The following ATAD2B variants were observed in gnomAD, a reference collection of about 807,000 sequenced individuals.
The protein encoded by ATAD2B is ATPase family AAA domain-containing protein 2B.
In ATAD2B, 40 loss-of-function variants were observed where a neutral mutation model predicts 167.6. The observed-to-expected ratio is 0.24, with a 90% confidence interval of 0.19 to 0.31. The LOEUF (loss-of-function observed/expected upper bound fraction) is 0.31. Ranked by LOEUF, ATAD2B falls within the 10% of genes least tolerant of loss-of-function variation. ATAD2B has a pLI of 1.00. For missense variants in ATAD2B, 1,242 were observed against 1,757.2 expected, an observed-to-expected ratio of 0.71 and a Z score of 5.24; for synonymous variants, 579 against 596.5, an observed-to-expected ratio of 0.97 and a Z score of 0.43.
chr2:23,878,025 A>AAAAACAAAAAAAAAAAAAAAG lies in ATAD2B; in HGVS notation c.902-2122_902-2121insCTTTTTTTTTTTTTTTGTTTT, dbSNP rs1558714038. Among the ~76,000 whole-genome samples, 2 of 106,876 alleles carry AAAAACAAAAAAAAAAAAAAAG rather than the reference A, an allele frequency of 1.9e-5. 1 individual carries two copies. Among genetic ancestry groups the AAAAACAAAAAAAAAAAAAAAG allele is most frequent in the Non-Finnish European group, 4.2e-5 (2 of 47,204 alleles). 70.1% of individuals were successfully genotyped at this position (106,876 alleles called of 152,430 possible). A position where few individuals can be genotyped will look rare whatever the true frequency, so the allele number is the denominator to read the frequency against. On this transcript the variant is annotated intron_variant, in intron 7 of 27. Transcript: ENST00000238789. Reference sequence around the variant, plus strand: ...ACCCTATCTCCAAAGAAAAAAAAAAAAAAAAAAAAAAAAAGCAAAATGTAT... The same window carrying AAAAACAAAAAAAAAAAAAAAG: ...ACCCTATCTCCAAAGAAAAAAAAAAAAAAACAAAAAAAAAAAAAAAGAAAAAAAAAAAAAAGCAAAATGTAT...
chr2:23,845,685 T>C (rs912935667), intron 13 of ATAD2B, among the ~76,000 whole-genome samples: 2 of 137,066 alleles, frequency 1.5e-5, no homozygotes, highest in Admixed American at 8.0e-5. Flanking sequence ...GCTCAAGCAA[T>C]CCTCCCACCT....
chr2:23,880,139 A>C (rs1037803475), intron 7 of ATAD2B, among the ~76,000 whole-genome samples: 5 of 152,140 alleles, frequency 3.3e-5, no homozygotes, highest in African/African-American at 1.2e-4. Flanking sequence ...TAAACTATAC[A>C]GTGTAATGCA....
chr2:23,752,114 A>T, intron 27 of ATAD2B, 27 bp from the exon 28 acceptor site: 2 of 1,496,594 alleles, frequency 1.3e-6, no homozygotes, highest in South Asian at 2.4e-5. Flanking sequence ...AATGCATGTT[A>T]TCTATTAAGG....
intron 12 of ATAD2B, among the ~76,000 whole-genome samples, chr2:23,859,582 C>T (rs1302231388): frequency 1.3e-5 from 2 of 148,912 alleles, no homozygotes; most frequent in Non-Finnish European, 3.0e-5. Flanking sequence ...TATTTTTCTG[C>T]AAAGAGTATC....
intron 18 of ATAD2B, 125 bp downstream of exon 18, chr2:23,810,191 C>T: frequency 1.2e-6 from 1 of 829,550 alleles, no homozygotes; most frequent in Non-Finnish European, 1.8e-6. Flanking sequence ...AATGAATAAT[C>T]AACAAAAAGT....
intron 1 of ATAD2B, among the ~76,000 whole-genome samples, chr2:23,908,904 C>T (rs1213357076): frequency 8.2e-5 from 12 of 146,906 alleles, no homozygotes; most frequent in Middle Eastern, 3.8e-3. Flanking sequence ...AAACAAACAC[C>T]GCATATTCTC....
At chr2:23,892,264 C>T (rs557839830) in intron 2 of ATAD2B, among the ~76,000 whole-genome samples, 10 of 152,126 alleles carry the variant, frequency 6.6e-5, no homozygotes, top group African/African-American at 1.9e-4. Context: ...CCCTGGTTCA[C>T]GCCATTCTCC....
At chr2:23,864,767 G>A in intron 11 of ATAD2B, 42 bp downstream of exon 11, 2 of 905,242 alleles carry the variant, frequency 2.2e-6, no homozygotes, top group Non-Finnish European at 3.3e-6. Context: ...ATTTGAGAAA[G>A]TAACAGTAAT....
rs1553377192 is a variant in ATAD2B, at chr2:23,770,329, C to CAAAT, written c.3134-4705_3134-4702dup. ...ACTCTGTCTCCAAAAAATAAATAAA[C>CAAAT]AAATAAATAAATAAATAAAAAGATT... is the stretch of plus-strand genomic sequence containing the variant. On this transcript the variant is annotated intron_variant, in intron 22 of 27. Transcript: ENST00000238789. 1.7e-3 allele frequency among the ~76,000 whole-genome samples: 258 copies of CAAAT among 151,088 alleles called. 4 individuals are homozygous for CAAAT. The highest frequency in any genetic ancestry group is 0.012 in the Admixed American group (185 of 15,180).
At chr2:23,738,776 C>T in the ATAD2B span, among the ~76,000 whole-genome samples, 1 of 152,150 alleles carries the variant, frequency 6.6e-6, no homozygotes, top group East Asian at 1.9e-4. Flanking sequence ...AGAGTCAAGA[C>T]CCATCATTGT....
the ATAD2B span, among the ~76,000 whole-genome samples, chr2:23,737,920 G>A: frequency 7.2e-5 from 11 of 152,312 alleles, no homozygotes; most frequent in South Asian, 2.1e-4. Context: ...CTCAGTAGCC[G>A]ATGCGATAAA....
chr2:23,927,036 G>T lies in ATAD2B; in HGVS notation c.-266C>A, dbSNP rs949860551. Reference sequence around the variant, plus strand: ...GGCTTCGCCCTCCTCAGCGGGAGCCGAGCGGAGCCGCCATTTCTACCCCTT... The same window carrying T: ...GGCTTCGCCCTCCTCAGCGGGAGCCTAGCGGAGCCGCCATTTCTACCCCTT... On this transcript the variant is annotated 5_prime_UTR_variant, in exon 1 of 28. Coordinates refer to ENST00000238789, the MANE Select transcript of ATAD2B (RefSeq NM_017552.4). The T allele has an allele frequency of 2.2e-5, 10 of 461,480 alleles. No individual in the cohort carries two copies. Among genetic ancestry groups the T allele is most frequent in the Non-Finnish European group, 3.4e-5 (9 of 263,404 alleles). 28.6% of individuals were successfully genotyped at this position (461,480 alleles called of 1,614,324 possible). A position where few individuals can be genotyped will look rare whatever the true frequency, so the allele number is the denominator to read the frequency against.
At chr2:23,815,437 T>A (rs550261272) in intron 17 of ATAD2B, among the ~76,000 whole-genome samples, 1 of 152,080 alleles carries the variant, frequency 6.6e-6, no homozygotes, top group African/African-American at 2.4e-5. Context: ...TGATGGCTCA[T>A]AGGAGTCACA....
the ATAD2B span, chr2:23,697,903 G>T: frequency 6.6e-6 from 1 of 152,220 alleles, no homozygotes; most frequent in Non-Finnish European, 1.5e-5. Flanking sequence ...CATGAAAAAT[G>T]AGACATTTTC....
the ATAD2B span, among the ~76,000 whole-genome samples, chr2:23,693,926 G>C: frequency 6.6e-6 from 1 of 152,196 alleles, no homozygotes; most frequent in Non-Finnish European, 1.5e-5. Context: ...AGGTCCTGAG[G>C]GGACTGTGTT....
At chr2:23,803,411 G>A (rs1033414965) in intron 18 of ATAD2B, among the ~76,000 whole-genome samples, 2 of 152,124 alleles carry the variant, frequency 1.3e-5, no homozygotes, top group African/African-American at 4.8e-5. Flanking sequence ...ATAGCTCAAA[G>A]TGAGAGCTAT....
At chr2:23,780,475 A>G (rs894806976) in intron 22 of ATAD2B, among the ~76,000 whole-genome samples, 3 of 152,210 alleles carry the variant, frequency 2.0e-5, no homozygotes, top group Admixed American at 1.3e-4. Flanking sequence ...AGTTTTTGCA[A>G]TTATAGAATC....
chr2:23,888,134 A>G lies in ATAD2B; in HGVS notation c.419-149T>C, dbSNP rs576171429. 2.8e-5 allele frequency: 21 copies of G among 758,282 alleles called. No individual in the cohort carries two copies. The African/African-American group carries it at 3.9e-4, about 14-fold the overall frequency. The allele number at this position is 758,282 out of a possible 1,614,324, so 47.0% of individuals were successfully genotyped here. ...TAATAGTCAATAATCTAAAATTTCT[A>G]TAAATTTTACAATCTGTCATAAATA... On this transcript the variant is annotated intron_variant, in intron 3 of 27. Transcript: ENST00000238789.
the ATAD2B span, among the ~76,000 whole-genome samples, chr2:23,718,449 G>A: frequency 1.3e-5 from 2 of 152,198 alleles, no homozygotes; most frequent in Admixed American, 6.5e-5. Context: ...CAGAGAGTAA[G>A]GAGCTGGAGA....
Sources: gnomAD v4.1 joint callset for allele counts (sites outside exome capture counted in the v4.1 genomes callset) on GRCh38, gnomAD v4.1.1 for gene constraint, MANE v1.5 for transcripts, NCBI Gene and HGNC (gene_info 2026-07-23, HGNC 2026-07-21) for gene names.